The following ATRX variants were observed in gnomAD, a reference collection of about 807,000 sequenced individuals.
ATRX encodes the protein chromatin remodeler ATRX.
Under a neutral mutation model 172.6 loss-of-function variants are expected in ATRX, and 12 were observed. The ratio of observed to expected loss-of-function variants is 0.07; its 90% confidence interval spans 0.04 to 0.11. ATRX has a LOEUF of 0.11. Among genes scored for constraint, ATRX ranks in the 10% least tolerant of loss-of-function variants. The pLI, the probability that ATRX is intolerant of heterozygous loss-of-function variation, is 1.00. For synonymous variants in ATRX, 674 were observed against 594.7 expected, an observed-to-expected ratio of 1.13 and a Z score of -1.94; for missense variants, 1,368 against 1,767.4, an observed-to-expected ratio of 0.77 and a Z score of 4.05.
At chrX:77,636,221 T>C (rs781825386) in intron 15 of ATRX, among the ~76,000 whole-genome samples, 165 bp from the exon 16 acceptor site, 1 of 112,289 alleles carries the variant, frequency 8.9e-6, no homozygotes, top group African/African-American at 3.2e-5. Flanking sequence ...ATGTTAATTG[T>C]AATCCCCAAT....
At chrX:77,728,784 G>C (rs782591325) in intron 1 of ATRX, among the ~76,000 whole-genome samples, 9 of 99,682 alleles carry the variant, frequency 9.0e-5, no homozygotes, top group Non-Finnish European at 1.8e-4. Context: ...TTTTGAGTTG[G>C]AGTCTTGCTC....
At chrX:77,542,740 G>A (rs1184588500) in intron 30 of ATRX, among the ~76,000 whole-genome samples, 2 of 111,863 alleles carry the variant, frequency 1.8e-5, no homozygotes, top group African/African-American at 6.5e-5. Flanking sequence ...TTTAATAAAT[G>A]GTGTTGGGAA....
At chrX:77,652,011 A>G in intron 15 of ATRX, 103 bp downstream of exon 15, 1 of 894,225 alleles carries the variant, frequency 1.1e-6, no homozygotes, top group Non-Finnish European at 1.6e-6. Flanking sequence ...TTAGGAGGCC[A>G]AGGTAGGAGG....
chrX:77,716,146 G>A (rs1351368236), intron 2 of ATRX, among the ~76,000 whole-genome samples: 7 of 3,291 alleles, frequency 2.1e-3, no homozygotes, highest in East Asian at 0.02. Context: ...TTTTTTTTTT[G>A]AAATTAACCA....
At chrX:77,541,975 A>T (rs1371789370) in intron 30 of ATRX, among the ~76,000 whole-genome samples, 2 of 111,707 alleles carry the variant, frequency 1.8e-5, no homozygotes, top group East Asian at 2.8e-4. Flanking sequence ...CAAGGCAATC[A>T]GGCAAGAGAA....
At chrX:77,775,602 T>C (rs1021316874) in intron 1 of ATRX, among the ~76,000 whole-genome samples, 1 of 111,238 alleles carries the variant, frequency 9.0e-6, no homozygotes, top group Admixed American at 9.6e-5. Context: ...GAGTATCACC[T>C]GCAACCAGGG....
At chrX:77,719,148 GA>G (rs1227987791) in intron 1 of ATRX, among the ~76,000 whole-genome samples, 1 of 110,932 alleles carries the variant, frequency 9.0e-6, no homozygotes, top group Non-Finnish European at 1.9e-5. Context: ...GCACCATCAA[GA>G]AAGTGAAAAC....
At chrX:77,560,657 G>C (rs1192345641) in intron 28 of ATRX, among the ~76,000 whole-genome samples, 1 of 110,684 alleles carries the variant, frequency 9.0e-6, no homozygotes, top group Non-Finnish European at 1.9e-5. Context: ...CTATACACTA[G>C]AATGCAAAGA....
chrX:77,567,374 TACA>T (rs1390090817), intron 28 of ATRX, among the ~76,000 whole-genome samples: 1 of 111,395 alleles, frequency 9.0e-6, no homozygotes, highest in Admixed American at 9.6e-5. Context: ...TCACTTCAAA[TACA>T]ACAACATAGG....
chrX:77,732,089 C>G (rs782664176), intron 1 of ATRX, among the ~76,000 whole-genome samples: 1 of 111,834 alleles, frequency 8.9e-6, no homozygotes, highest in African/African-American at 3.3e-5. Flanking sequence ...TCAGGGGCCT[C>G]GGGGTCACAG....
intron 15 of ATRX, among the ~76,000 whole-genome samples, chrX:77,642,740 A>T (rs782305094): frequency 8.9e-6 from 1 of 112,015 alleles, no homozygotes; most frequent in African/African-American, 3.2e-5. Flanking sequence ...CCCACACAGA[A>T]CTATTTTGTA....
At chrX:77,783,883 G>T (rs2076649511) in intron 1 of ATRX, among the ~76,000 whole-genome samples, 1 of 111,794 alleles carries the variant, frequency 8.9e-6, no homozygotes, top group African/African-American at 3.3e-5. Context: ...TTTACTAGAG[G>T]TTTTTCATGT....
At chrX:77,550,272 T>A (rs2064429415) in intron 30 of ATRX, among the ~76,000 whole-genome samples, 1 of 111,912 alleles carries the variant, frequency 8.9e-6, no homozygotes, top group Admixed American at 9.5e-5. Context: ...TCCACCATGA[T>A]CAAGTGGGCT....
intron 22 of ATRX, among the ~76,000 whole-genome samples, chrX:77,611,145 A>G (rs2067137986): frequency 9.0e-6 from 1 of 110,936 alleles, no homozygotes; most frequent in African/African-American, 3.3e-5. Flanking sequence ...GTGCCTTTCA[A>G]TATTTCATAT....
rs1241624727 is a variant in ATRX at position 77,532,934 on chromosome X, A to C, written c.6700-9533T>G. On this transcript the variant is annotated intron_variant, in intron 30 of 34. Coordinates refer to ENST00000373344, the MANE Select transcript of ATRX (RefSeq NM_000489.6). ...ATATCCAGAATCTACAAGACATTTA[A>C]ACAAATCTATGAGAAAGAAACAACC... Among the ~76,000 whole-genome samples, 4 of 112,334 alleles carry C rather than the reference A, an allele frequency of 3.6e-5. No homozygotes were observed. The East Asian group carries it at 1.1e-3, about 31-fold the overall frequency.
chrX:77,537,307 C>T, intron 30 of ATRX, among the ~76,000 whole-genome samples: 1 of 111,394 alleles, frequency 9.0e-6, no homozygotes, highest in East Asian at 2.8e-4. Context: ...GAGTACAGTG[C>T]CTGGTTTACC....
intron 1 of ATRX, among the ~76,000 whole-genome samples, chrX:77,755,501 C>A (rs1196894888): frequency 8.9e-6 from 1 of 111,771 alleles, no homozygotes; most frequent in East Asian, 2.8e-4. Context: ...AGGCTGATGA[C>A]CTTTTGATGG....
intron 34 of ATRX, among the ~76,000 whole-genome samples, chrX:77,509,742 C>G (rs1359766094): frequency 9.0e-6 from 1 of 111,178 alleles, no homozygotes; most frequent in Non-Finnish European, 1.9e-5. Context: ...TTACACCAGC[C>G]ACAGCCAGAG....
At chrX:77,756,492 C>G (rs1458011774) in intron 1 of ATRX, among the ~76,000 whole-genome samples, 2 of 110,916 alleles carry the variant, frequency 1.8e-5, no homozygotes, top group Non-Finnish European at 3.8e-5. Flanking sequence ...AGTTGGCACA[C>G]TAAGGAATCT....
Sources: allele counts gnomAD v4.1 joint callset (sites outside exome capture counted in the v4.1 genomes callset), GRCh38; gene constraint gnomAD v4.1.1; transcripts MANE v1.5; gene names NCBI Gene and HGNC (gene_info 2026-07-23, HGNC 2026-07-21).